The following DNAH11 variants were observed in gnomAD, a reference collection of about 807,000 sequenced individuals.
DNAH11 encodes dynein axonemal heavy chain 11.
DNAH11 carries 442 observed loss-of-function variants against 526.0 expected under a neutral mutation model. That is an observed-to-expected ratio of 0.84 (90% CI 0.78 to 0.91). The LOEUF (loss-of-function observed/expected upper bound fraction) is 0.91, where lower values mean the gene tolerates loss of function less well. Among genes scored for constraint, DNAH11 ranks in the 40% least tolerant of loss-of-function variants. The pLI is 0.00. For synonymous variants in DNAH11, 2,461 were observed against 1,935.9 expected (o/e 1.27, Z -7.12); for missense variants, 6,989 against 5,448.7 (o/e 1.28, Z -8.90).
At chr7:21,669,889 A>G (rs1458166134) in intron 30 of DNAH11, among the ~76,000 whole-genome samples, 1 of 151,828 alleles carries the variant, frequency 6.6e-6, no homozygotes, top group East Asian at 1.9e-4. Flanking sequence ...TCATTGATCT[A>G]TTTTTCTGCC....
intron 28 of DNAH11, among the ~76,000 whole-genome samples, chr7:21,652,599 G>C (rs2128464216): frequency 6.6e-6 from 1 of 152,180 alleles, no homozygotes; most frequent in East Asian, 1.9e-4. Context: ...TTAATGTTTT[G>C]ACACAAATTT....
chr7:21,740,159 C>CT (rs1785814985), intron 48 of DNAH11, among the ~76,000 whole-genome samples: 2 of 152,114 alleles, frequency 1.3e-5, no homozygotes, highest in African/African-American at 4.8e-5. Context: ...ATTCCTCTCT[C>CT]TTTTCCCTCT....
At chr7:21,682,354 G>C (rs765017597) in intron 31 of DNAH11, among the ~76,000 whole-genome samples, 2 of 151,748 alleles carry the variant, frequency 1.3e-5, no homozygotes, top group Non-Finnish European at 2.9e-5. Context: ...GTGAAACCCC[G>C]TCTCTAATAA....
chr7:21,609,475 C>T (rs556046644), intron 20 of DNAH11, among the ~76,000 whole-genome samples: 2 of 152,266 alleles, frequency 1.3e-5, no homozygotes, highest in East Asian at 3.9e-4. Flanking sequence ...CTGCCTCAGC[C>T]TCCCAACTTG....
At chr7:21,691,216 C>T (rs1300034565) in intron 35 of DNAH11, among the ~76,000 whole-genome samples, 1 of 149,378 alleles carries the variant, frequency 6.7e-6, no homozygotes, top group Non-Finnish European at 1.5e-5. Context: ...ATTTTATTGC[C>T]AACAGAACAC....
chr7:21,596,441 C>T (rs1384828979), intron 14 of DNAH11, among the ~76,000 whole-genome samples: 1 of 152,132 alleles, frequency 6.6e-6, no homozygotes, highest in Non-Finnish European at 1.5e-5. Context: ...CTAAGTCATG[C>T]CGTGGACTAT....
chr7:21,707,673 T>G, intron 39 of DNAH11, 26 bp from the exon 40 acceptor site: 1 of 1,600,402 alleles, frequency 6.2e-7, no homozygotes, highest in Non-Finnish European at 8.5e-7. Context: ...TATTAATTTT[T>G]TTGGCTCTTT....
chr7:21,900,354 T>C (rs1018042479), intron 81 of DNAH11, among the ~76,000 whole-genome samples: 1 of 152,256 alleles, frequency 6.6e-6, no homozygotes, highest in Non-Finnish European at 1.5e-5. Context: ...TATATCTGGA[T>C]GTTAATGCCA....
rs1188104167 is a variant in DNAH11, at chr7:21,786,730, A to T, written c.9704A>T (p.Asp3235Val). Residue 3235 changes from aspartate to valine, a missense_variant, in exon 59 of 82, where the codon GAC becomes GTC. By Grantham distance (152) the Asp-to-Val change is radical. Transcript: ENST00000409508. ...LLAPRGRVPK[D>V]RSWKAAKVFM... ...GCTCCTCGGGGAAGAGTGCCCAAAG[A>T]CCGAAGTTGGAAAGCAGCTAAAGTC... The T allele has an allele frequency of 6.2e-7, 1 of 1,613,798 alleles. No individual in the cohort carries two copies. Among genetic ancestry groups the T allele is most frequent in the Admixed American group, 1.7e-5 (1 of 60,012 alleles).
chr7:21,645,920 A>G (rs1787336837), intron 28 of DNAH11, among the ~76,000 whole-genome samples: 1 of 152,282 alleles, frequency 6.6e-6, no homozygotes, highest in Admixed American at 6.5e-5. Flanking sequence ...CTGAAGTCCT[A>G]ACTATAAACA....
chr7:21,789,106 T>C (rs1788318059), intron 60 of DNAH11, 135 bp from the exon 61 acceptor site: 1 of 656,090 alleles, frequency 1.5e-6, no homozygotes, highest in Non-Finnish European at 2.6e-6. Context: ...TTGAGCAACA[T>C]GAGAAGACCC....
intron 66 of DNAH11, among the ~76,000 whole-genome samples, chr7:21,843,081 A>G (rs1782277346): frequency 6.6e-6 from 1 of 152,216 alleles, no homozygotes; most frequent in South Asian, 2.1e-4. Context: ...AGAATGAAAA[A>G]GAGGTATAAT....
chr7:21,725,159 G>A (rs1785048955), intron 44 of DNAH11, among the ~76,000 whole-genome samples: 1 of 152,182 alleles, frequency 6.6e-6, no homozygotes, highest in South Asian at 2.1e-4. Context: ...CTCTCTGGAG[G>A]CTGAAAGTTG....
At chr7:21,595,044 C>G (rs1422122561) in intron 14 of DNAH11, among the ~76,000 whole-genome samples, 4 of 152,122 alleles carry the variant, frequency 2.6e-5, no homozygotes, top group African/African-American at 9.7e-5. Flanking sequence ...TCTAGGGGTT[C>G]CGTATGTTCA....
rs202150841 is a variant in DNAH11, at chr7:21,601,618, G to C, written c.3648G>C (p.Glu1216Asp). 4.5e-6 allele frequency: 7 copies of C among 1,563,024 alleles called. No individual in the cohort carries two copies. In the Middle Eastern group the frequency reaches 5.1e-4, roughly 114 times the overall value. Reference sequence around the variant, plus strand: ...CTGAGCAGGTCTATATTCAGCTAGAGGTAAGTGCAGAGGTGAAATAATCAT... The same window carrying C: ...CTGAGCAGGTCTATATTCAGCTAGACGTAAGTGCAGAGGTGAAATAATCAT... ...KMPEQVYIQL[E>D]ELPERWETTK... is the part of the protein sequence containing the mutation. The change falls in exon 18 of 82, where the codon GAG becomes GAC. Residue 1216 changes from glutamate to aspartate, a missense_variant and splice_region_variant. Glu to Asp is a conservative substitution (Grantham distance 45). Transcript: ENST00000409508.
chr7:21,869,472 G>GA (rs1035712979), intron 73 of DNAH11, among the ~76,000 whole-genome samples: 2 of 151,988 alleles, frequency 1.3e-5, no homozygotes, highest in African/African-American at 4.8e-5. Context: ...AAGGGTGGGG[G>GA]GAATGGAATT....
intron 49 of DNAH11, among the ~76,000 whole-genome samples, chr7:21,742,525 G>C (rs1785952875): frequency 6.6e-6 from 1 of 152,116 alleles, no homozygotes; most frequent in Admixed American, 6.5e-5. Flanking sequence ...AGGGGATGGT[G>C]CTAACCATTG....
chr7:21,547,788 C>T (rs981046672), intron 2 of DNAH11, among the ~76,000 whole-genome samples: 4 of 152,112 alleles, frequency 2.6e-5, no homozygotes, highest in Non-Finnish European at 4.4e-5. Flanking sequence ...CACAAGTTCC[C>T]TCCTCTTTTC....
chr7:21,853,381 A>G lies in DNAH11; in HGVS notation c.11061+750A>G, dbSNP rs188358992. 1.8e-3 allele frequency among the ~76,000 whole-genome samples: 279 copies of G among 152,346 alleles called. 1 individual carries two copies. The highest frequency in any genetic ancestry group is 6.5e-3 in the African/African-American group (272 of 41,578). On this transcript the variant is annotated intron_variant, in intron 67 of 81. Transcript: ENST00000409508. Reference sequence around the variant, plus strand: ...ATATTTGTCTTAAATTAAGCGAGGAAATGGAATCCCAAATTACTCTGTCTT... The same window carrying G: ...ATATTTGTCTTAAATTAAGCGAGGAGATGGAATCCCAAATTACTCTGTCTT...
Sources: gnomAD v4.1 joint callset for allele counts (sites outside exome capture counted in the v4.1 genomes callset) on GRCh38, gnomAD v4.1.1 for gene constraint, MANE v1.5 for transcripts, NCBI Gene and HGNC (gene_info 2026-07-23, HGNC 2026-07-21) for gene names.